The following SCAND3 variants were observed in gnomAD, a reference collection of about 807,000 sequenced individuals.
The protein encoded by SCAND3 is SCAN domain-containing protein 3.
At chr6:28,586,646 T>C in the SCAND3 span, 1 of 1,614,184 alleles carries the variant, frequency 6.2e-7, no homozygotes, top group Middle Eastern at 1.6e-4. This position sits in a 1 kb window ranked among gnomAD's most constrained non-coding sequence, Gnocchi z 4.4. Flanking sequence ...TAACCTTTAC[T>C]TTGATAATCT....
At chr6:28,596,662 G>C in the SCAND3 span, among the ~76,000 whole-genome samples, 1 of 152,020 alleles carries the variant, frequency 6.6e-6, no homozygotes, top group Non-Finnish European at 1.5e-5. Context: ...GAAATCACAA[G>C]TAGAAACTAT....
chr6:28,590,335 C>G, the SCAND3 span: 1 of 152,312 alleles, frequency 6.6e-6, no homozygotes, highest in Non-Finnish European at 1.5e-5. Context: ...TCCGAAGCAT[C>G]CGGGAAACAG....
chr6:28,602,752 T>A, the SCAND3 span, among the ~76,000 whole-genome samples: 1 of 152,184 alleles, frequency 6.6e-6, no homozygotes, highest in Admixed American at 6.6e-5. Context: ...GGTGACAGAA[T>A]AATGTAATTA....
chr6:28,598,683 A>AAAAATAAAATAAAATAAAAT, the SCAND3 span, among the ~76,000 whole-genome samples: 92 of 138,084 alleles, frequency 6.7e-4, no homozygotes, highest in Non-Finnish European at 8.7e-4. Context: ...TGTTTCTACT[A>AAAAATAAAATAAAATAAAAT]AAAATAAAAT....
the SCAND3 span, chr6:28,572,425 A>G: frequency 3.1e-6 from 5 of 1,613,152 alleles, no homozygotes; most frequent in South Asian, 5.5e-5. The surrounding 1 kb of genome is among the most constrained non-coding windows in gnomAD (Gnocchi z 4.1). Flanking sequence ...TAAATTATGA[A>G]ACATGTCATA....
chr6:28,589,847 T>TG, the SCAND3 span: 3 of 133,432 alleles, frequency 2.2e-5, no homozygotes, highest in Non-Finnish European at 4.7e-5. Flanking sequence ...TTTGTTTGTT[T>TG]TTTTGTTTGT....
the SCAND3 span, among the ~76,000 whole-genome samples, chr6:28,593,184 A>G: frequency 1.3e-5 from 2 of 152,204 alleles, no homozygotes; most frequent in Non-Finnish European, 2.9e-5. Flanking sequence ...TATGCACAAT[A>G]TATAAGGAAT....
chr6:28,574,598 T>G, the SCAND3 span: 73 of 1,508,766 alleles, frequency 4.8e-5, no homozygotes, highest in Non-Finnish European at 6.1e-5. Context: ...TACACTGTAA[T>G]GAGATTCTTC....
chr6:28,589,047 G>A, the SCAND3 span, among the ~76,000 whole-genome samples: 1 of 152,140 alleles, frequency 6.6e-6, no homozygotes, highest in Admixed American at 6.5e-5. Context: ...ACATCATACA[G>A]GCCTTAGAGT....
At chr6:28,582,781 C>T in the SCAND3 span, among the ~76,000 whole-genome samples, 1 of 151,860 alleles carries the variant, frequency 6.6e-6, no homozygotes, top group Non-Finnish European at 1.5e-5. The surrounding 1 kb of genome is among the most constrained non-coding windows in gnomAD (Gnocchi z 4.8). Flanking sequence ...ATTAGCTGGG[C>T]GTGGTGGCGC....
the SCAND3 span, among the ~76,000 whole-genome samples, chr6:28,609,940 T>C: frequency 6.6e-6 from 1 of 152,170 alleles, no homozygotes; most frequent in South Asian, 2.1e-4. Flanking sequence ...ATAAATGGCA[T>C]GGAGTCCAGG....
the SCAND3 span, among the ~76,000 whole-genome samples, chr6:28,603,119 G>A: frequency 6.6e-6 from 1 of 151,710 alleles, no homozygotes; most frequent in African/African-American, 2.4e-5. Flanking sequence ...CCCCCACCAC[G>A]TCCAGCTAAA....
the SCAND3 span, chr6:28,572,605 T>A: frequency 2.5e-6 from 4 of 1,613,936 alleles, no homozygotes; most frequent in Non-Finnish European, 2.5e-6. The surrounding 1 kb of genome is among the most constrained non-coding windows in gnomAD (Gnocchi z 4.1). Flanking sequence ...CCAATTCACA[T>A]CTTTAAAAAG....
chr6:28,604,280 AG>A, the SCAND3 span, among the ~76,000 whole-genome samples: 6 of 152,310 alleles, frequency 3.9e-5, no homozygotes, highest in Admixed American at 2.6e-4. Flanking sequence ...CTTTCAGCTT[AG>A]GAATTCCTTC....
the SCAND3 span, among the ~76,000 whole-genome samples, chr6:28,605,132 C>T: frequency 6.6e-6 from 1 of 152,300 alleles, no homozygotes; most frequent in South Asian, 2.1e-4. Context: ...TAAACCCACT[C>T]CTCTGTTGGT....
At chr6:28,600,763 CG>C in the SCAND3 span, among the ~76,000 whole-genome samples, 1 of 151,992 alleles carries the variant, frequency 6.6e-6, no homozygotes, top group Non-Finnish European at 1.5e-5. Context: ...AAATTGAACA[CG>C]GACTAGGTAT....
At chr6:28,603,964 C>T in the SCAND3 span, among the ~76,000 whole-genome samples, 2 of 152,120 alleles carry the variant, frequency 1.3e-5, no homozygotes, top group African/African-American at 4.8e-5. Context: ...ATGTGATCTC[C>T]CCAACAGGAC....
At chr6:28,580,573 T>C in the SCAND3 span, among the ~76,000 whole-genome samples, 1 of 152,370 alleles carries the variant, frequency 6.6e-6, no homozygotes, top group Non-Finnish European at 1.5e-5. Flanking sequence ...AGGTATCTTA[T>C]GTAAATTGCT....
the SCAND3 span, among the ~76,000 whole-genome samples, chr6:28,600,126 AAT>A: frequency 6.6e-6 from 1 of 152,270 alleles, no homozygotes; most frequent in Admixed American, 6.5e-5. Context: ...TGGAAAAAAA[AAT>A]AAGTTGGATT....
Sources: gnomAD v4.1 joint callset for allele counts (sites outside exome capture counted in the v4.1 genomes callset) on GRCh38, gnomAD v4.1.1 for gene constraint, Gnocchi (gnomAD v3.1) non-coding constraint, MANE v1.5 for transcripts, NCBI Gene and HGNC (gene_info 2026-07-23, HGNC 2026-07-21) for gene names.